XKR6: variants seen among roughly 807,000 people sequenced by gnomAD.
XKR6 encodes the protein XK related 6, also known as XK-related protein 6.
In XKR6, 22 loss-of-function variants were observed where a neutral mutation model predicts 56.7. That is an observed-to-expected ratio of 0.39 (90% CI 0.28 to 0.55). The LOEUF (loss-of-function observed/expected upper bound fraction) is 0.55, where lower values mean the gene tolerates loss of function less well. XKR6 is among the 20% of genes least tolerant of loss of function. XKR6 has a pLI of 0.66. For synonymous variants in XKR6, 524 were observed against 387.8 expected (o/e 1.35, Z -4.13); for missense variants, 852 against 889.0 (o/e 0.96, Z 0.53).
intron 1 of XKR6, among the ~76,000 whole-genome samples, chr8:11,121,122 C>CA: frequency 6.6e-6 from 1 of 152,298 alleles, no homozygotes; most frequent in African/African-American, 2.4e-5. Context: ...AGGACATAGG[C>CA]ATGGGTGAGG....
chr8:11,166,176 T>C (rs1281007987), intron 1 of XKR6, among the ~76,000 whole-genome samples: 1 of 152,116 alleles, frequency 6.6e-6, no homozygotes, highest in African/African-American at 2.4e-5. Flanking sequence ...AGCCATACTA[T>C]TCACTGAAGA....
chr8:11,077,235 C>T (rs779510981), intron 1 of XKR6, among the ~76,000 whole-genome samples: 4 of 152,142 alleles, frequency 2.6e-5, no homozygotes, highest in East Asian at 1.9e-4. Context: ...CAAGCAGCAG[C>T]GTGCAGTGGC....
chr8:11,135,421 C>G (rs1800338427), intron 1 of XKR6, among the ~76,000 whole-genome samples: 1 of 152,054 alleles, frequency 6.6e-6, no homozygotes, highest in South Asian at 2.1e-4. Flanking sequence ...ATAAAGTTAC[C>G]AAAAGTTAAT....
At chr8:11,001,598 C>T (rs1798240163) in intron 1 of XKR6, among the ~76,000 whole-genome samples, 1 of 152,248 alleles carries the variant, frequency 6.6e-6, no homozygotes, top group Admixed American at 6.5e-5. Context: ...CCTTACCCTG[C>T]CTCTGGACTA....
At chr8:10,921,444 G>T (rs1042709503) in intron 2 of XKR6, among the ~76,000 whole-genome samples, 8 of 152,218 alleles carry the variant, frequency 5.3e-5, no homozygotes, top group African/African-American at 9.6e-5. Context: ...CCTATAAAAG[G>T]ATGACTCCAC....
rs368427653 is a variant in XKR6, at chr8:11,184,380, T to C, written c.764+16196A>G. On this transcript the variant is annotated intron_variant, in intron 1 of 2. Coordinates refer to ENST00000416569, the MANE Select transcript of XKR6 (RefSeq NM_173683.4). The stretch of plus-strand genomic sequence containing the variant: ...TAAATACATATTTTATATATATATA[T>C]ACACACATACACACACACACACACA... Among the ~76,000 whole-genome samples, 315 of 128,846 alleles carry C rather than the reference T, an allele frequency of 2.4e-3. 10 individuals are homozygous for C. The South Asian group carries it at 0.059, about 24-fold the overall frequency. The allele number at this position is 128,846 out of a possible 152,430, so 84.5% of individuals were successfully genotyped here. A position where few individuals can be genotyped will look rare whatever the true frequency, so the allele number is the denominator to read the frequency against.
At chr8:11,125,207 T>C (rs1278949792) in intron 1 of XKR6, among the ~76,000 whole-genome samples, 2 of 152,014 alleles carry the variant, frequency 1.3e-5, no homozygotes, top group Admixed American at 6.6e-5. Context: ...ACTCTGGCCC[T>C]GCTCACCCTG....
At chr8:11,163,096 C>T (rs1272276391) in intron 1 of XKR6, among the ~76,000 whole-genome samples, 1 of 152,124 alleles carries the variant, frequency 6.6e-6, no homozygotes, top group Non-Finnish European at 1.5e-5. Context: ...AATAATACCA[C>T]AGTAAACCTA....
At chr8:11,193,887 AAT>A (rs1249184024) in intron 1 of XKR6, among the ~76,000 whole-genome samples, 2 of 152,168 alleles carry the variant, frequency 1.3e-5, no homozygotes, top group African/African-American at 4.8e-5. Flanking sequence ...ACTACTGAAA[AAT>A]ATAGTTTAAT....
chr8:11,087,757 C>G (rs181676645), intron 1 of XKR6, among the ~76,000 whole-genome samples: 182 of 152,344 alleles, frequency 1.2e-3, no homozygotes, highest in Middle Eastern at 6.8e-3. Flanking sequence ...GAGAGCCCAA[C>G]CCATTCTTCA....
chr8:10,958,990 G>C (rs1016999324), intron 1 of XKR6, among the ~76,000 whole-genome samples: 3 of 152,218 alleles, frequency 2.0e-5, no homozygotes, highest in African/African-American at 7.2e-5. Context: ...CTGAGAACAT[G>C]GCTTAATCTG....
intron 1 of XKR6, among the ~76,000 whole-genome samples, chr8:11,165,959 G>A (rs1357704949): frequency 7.1e-6 from 1 of 140,910 alleles, no homozygotes; most frequent in African/African-American, 2.6e-5. Flanking sequence ...AGTTTTTTGG[G>A]TTTTTTTTTT....
chr8:10,907,479 A>G (rs1182857266), intron 2 of XKR6, among the ~76,000 whole-genome samples: 1 of 152,204 alleles, frequency 6.6e-6, no homozygotes, highest in East Asian at 1.9e-4. Flanking sequence ...CTCAATTGTT[A>G]TGTTAACTCA....
intron 1 of XKR6, among the ~76,000 whole-genome samples, chr8:11,129,698 T>C (rs774630495): frequency 1.3e-5 from 2 of 152,228 alleles, no homozygotes; most frequent in Non-Finnish European, 2.9e-5. Flanking sequence ...TTATCATAAA[T>C]CTATAATTTA....
intron 1 of XKR6, among the ~76,000 whole-genome samples, chr8:11,065,721 C>T (rs749309456): frequency 1.3e-5 from 2 of 152,164 alleles, no homozygotes; most frequent in Non-Finnish European, 2.9e-5. Flanking sequence ...GGCTAAAGTC[C>T]GGTCTCTTCC....
chr8:10,911,355 G>A (rs12155965), intron 2 of XKR6, among the ~76,000 whole-genome samples: 20,193 of 119,042 alleles, frequency 0.17, 1,681 homozygotes, highest in Middle Eastern at 0.22. Flanking sequence ...GTGTGTGTGT[G>A]TATATATATA....
intron 1 of XKR6, among the ~76,000 whole-genome samples, chr8:10,974,701 T>A (rs1156728541): frequency 6.6e-6 from 1 of 152,172 alleles, no homozygotes; most frequent in Admixed American, 6.5e-5. Flanking sequence ...CCAAGAAAAG[T>A]TACCCCAGTG....
At chr8:11,165,807 G>A (rs1055296605) in intron 1 of XKR6, among the ~76,000 whole-genome samples, 2 of 151,996 alleles carry the variant, frequency 1.3e-5, no homozygotes, top group Non-Finnish European at 2.9e-5. Context: ...TCTAGCTCAC[G>A]TACAATGGTA....
chr8:11,114,932 T>C (rs1799098877), intron 1 of XKR6, among the ~76,000 whole-genome samples: 2 of 152,194 alleles, frequency 1.3e-5, no homozygotes, highest in Admixed American at 1.3e-4. Flanking sequence ...AGGCACTCAC[T>C]CATTCAACAA....
Sources: allele counts gnomAD v4.1 joint callset (sites outside exome capture counted in the v4.1 genomes callset), GRCh38; gene constraint gnomAD v4.1.1; transcripts MANE v1.5; gene names NCBI Gene and HGNC (gene_info 2026-07-23, HGNC 2026-07-21).